Variants in DGKB observed in about 807,000 individuals in gnomAD.
DGKB encodes the protein 90 kDa diacylglycerol kinase.
A neutral mutation model predicts 114.3 loss-of-function variants in DGKB; 67 were observed. The observed-to-expected ratio is 0.59, with a 90% CI of 0.48 to 0.72. The LOEUF (loss-of-function observed/expected upper bound fraction) is 0.72. Ranked by LOEUF, DGKB falls within the 30% of genes least tolerant of loss-of-function variation. DGKB has a pLI of 0.00. For synonymous variants in DGKB, 398 were observed against 323.1 expected (o/e 1.23, Z -2.49); for missense variants, 907 against 975.2 (o/e 0.93, Z 0.93).
At chr7:14,288,396 T>C (rs1446151896) in intron 23 of DGKB, among the ~76,000 whole-genome samples, 1 of 151,828 alleles carries the variant, frequency 6.6e-6, no homozygotes, top group Non-Finnish European at 1.5e-5. Context: ...TGTGTTATAT[T>C]TCATATACTG....
chr7:14,302,762 C>T (rs7797910), intron 23 of DGKB, among the ~76,000 whole-genome samples: 4,119 of 152,132 alleles, frequency 0.027, 116 homozygotes, highest in East Asian at 0.073. Flanking sequence ...TGCTCCATAT[C>T]GCCTTGTTTA....
intron 1 of DGKB, among the ~76,000 whole-genome samples, chr7:14,853,388 A>G (rs1222199057): frequency 1.3e-5 from 2 of 151,936 alleles, no homozygotes; most frequent in Non-Finnish European, 2.9e-5. Context: ...CATTTACAAT[A>G]TCATTTTCTC....
At chr7:14,765,049 AG>A (rs1836257419) in intron 2 of DGKB, among the ~76,000 whole-genome samples, 1 of 152,054 alleles carries the variant, frequency 6.6e-6, no homozygotes, top group Non-Finnish European at 1.5e-5. Flanking sequence ...AGATTGAAAA[AG>A]AAATATGGAA....
At chr7:14,202,647 A>G (rs1381488474) in intron 23 of DGKB, among the ~76,000 whole-genome samples, 3 of 152,020 alleles carry the variant, frequency 2.0e-5, no homozygotes, top group Non-Finnish European at 2.9e-5. Flanking sequence ...ATTATATAGA[A>G]CTGCCTATTA....
intron 21 of DGKB, among the ~76,000 whole-genome samples, chr7:14,403,179 C>T (rs879299720): frequency 6.6e-5 from 10 of 151,642 alleles, no homozygotes; most frequent in Non-Finnish European, 1.2e-4. Context: ...ATACATACCC[C>T]TCCCATAAAT....
chr7:14,228,398 G>A (rs996190558), intron 23 of DGKB, among the ~76,000 whole-genome samples: 2 of 151,950 alleles, frequency 1.3e-5, no homozygotes, highest in African/African-American at 4.8e-5. Flanking sequence ...GTAACTTTCT[G>A]AAGTGTCCTA....
In DGKB at chr7:14,933,296, C is replaced by T. The variant is rs966844028; in HGVS notation, c.-188+41400G>A. Among the ~76,000 whole-genome samples the T allele has an allele frequency of 7.2e-5, 11 of 152,252 alleles. No homozygotes were observed. The East Asian group carries it at 1.2e-3, about 16-fold the overall frequency. ...AATGCTCATTACATCACAACCATTTCGTATCGCTGGTGGACATGTCCTATT... is the reference window on the plus strand; with the variant it reads ...AATGCTCATTACATCACAACCATTTTGTATCGCTGGTGGACATGTCCTATT... On this transcript the variant is annotated intron_variant, in intron 1 of 4. Coordinates refer to the DGKB transcript ENST00000437998.
intron 25 of DGKB, among the ~76,000 whole-genome samples, chr7:14,168,416 A>T (rs1784913618): frequency 6.6e-6 from 1 of 152,184 alleles, no homozygotes; most frequent in South Asian, 2.1e-4. Flanking sequence ...ATAGCTGGAG[A>T]TGTGCCGATG....
chr7:14,514,269 T>C (rs573250674), intron 20 of DGKB, among the ~76,000 whole-genome samples: 1 of 152,218 alleles, frequency 6.6e-6, no homozygotes, highest in South Asian at 2.1e-4. Flanking sequence ...ACATAAAAAG[T>C]TGAATAGACT....
rs150918252 is a variant in DGKB at position 14,873,645 on chromosome 7, C to CTA, written c.-188+28945_-188+28946dup. Among the ~76,000 whole-genome samples the CTA allele has an allele frequency of 1.0e-3, 153 of 151,476 alleles. 2 individuals are homozygous for CTA. The East Asian group carries it at 0.015, about 15-fold the overall frequency. On this transcript the variant is annotated intron_variant, in intron 1 of 25. Coordinates refer to ENST00000402815, the MANE Select transcript of DGKB (RefSeq NM_001350709.2). Reference sequence around the variant, plus strand: ...TTCTTATTATAGAAGTTTACATATACTATATATATATACACATACATATGT... The same window carrying CTA: ...TTCTTATTATAGAAGTTTACATATACTATATATATATATACACATACATATGT...
chr7:14,971,490 G>A (rs1787464375), intron 1 of DGKB, among the ~76,000 whole-genome samples: 1 of 152,108 alleles, frequency 6.6e-6, no homozygotes, highest in Non-Finnish European at 1.5e-5. Flanking sequence ...CAAGAATTAT[G>A]TGGTTCAAGA....
intron 14 of DGKB, among the ~76,000 whole-genome samples, chr7:14,625,102 A>G (rs934475310): frequency 6.6e-6 from 1 of 152,178 alleles, no homozygotes; most frequent in Non-Finnish European, 1.5e-5. Context: ...AGAAAGAGGT[A>G]TATAACAAGT....
intron 17 of DGKB, among the ~76,000 whole-genome samples, chr7:14,596,706 T>C (rs1271208193): frequency 6.6e-6 from 1 of 152,144 alleles, no homozygotes; most frequent in Non-Finnish European, 1.5e-5. Context: ...GAGACAAAAG[T>C]CTTTTTTGTT....
At chr7:14,612,942 CATT>C (rs1805833655) in intron 16 of DGKB, among the ~76,000 whole-genome samples, 2 of 152,174 alleles carry the variant, frequency 1.3e-5, no homozygotes, top group Non-Finnish European at 2.9e-5. Flanking sequence ...TGCAGAAAAT[CATT>C]ATAATATATT....
chr7:14,659,108 C>A (rs2128919058), intron 13 of DGKB, among the ~76,000 whole-genome samples: 1 of 151,984 alleles, frequency 6.6e-6, no homozygotes, highest in Middle Eastern at 3.4e-3. Flanking sequence ...GTGTGATGTT[C>A]CCTTCCCTGT....
chr7:14,488,162 G>A (rs531660576), intron 20 of DGKB, among the ~76,000 whole-genome samples: 2 of 152,134 alleles, frequency 1.3e-5, no homozygotes, highest in South Asian at 4.2e-4. Context: ...TCATACAGAA[G>A]AGTTCATGAA....
intron 6 of DGKB, among the ~76,000 whole-genome samples, chr7:14,702,986 A>G (rs1320616286): frequency 1.3e-5 from 2 of 152,244 alleles, no homozygotes; most frequent in Admixed American, 1.3e-4. Context: ...AAGGGCAATA[A>G]TACTAAACTG....
chr7:14,250,458 T>C (rs1231126010), intron 23 of DGKB, among the ~76,000 whole-genome samples: 1 of 152,198 alleles, frequency 6.6e-6, no homozygotes, highest in African/African-American at 2.4e-5. Flanking sequence ...TTTTTAATTT[T>C]CCAATATTCT....
intron 20 of DGKB, among the ~76,000 whole-genome samples, chr7:14,543,192 G>A (rs1793745781): frequency 6.6e-6 from 1 of 152,158 alleles, no homozygotes; most frequent in Non-Finnish European, 1.5e-5. Context: ...GCTCACACCT[G>A]TAATCCCCAC....
Sources: allele counts gnomAD v4.1 joint callset (sites outside exome capture counted in the v4.1 genomes callset), GRCh38; gene constraint gnomAD v4.1.1; transcripts MANE v1.5; gene names NCBI Gene and HGNC (gene_info 2026-07-23, HGNC 2026-07-21).